The following MINDY3 variants were observed in gnomAD, a reference collection of about 807,000 sequenced individuals.
MINDY3 encodes the protein ubiquitin carboxyl-terminal hydrolase MINDY-3.
A neutral mutation model predicts 69.2 loss-of-function variants in MINDY3; 38 were observed. The ratio of observed to expected loss-of-function variants is 0.55; its 90% CI spans 0.42 to 0.72. The LOEUF is 0.72. MINDY3 is among the 30% of genes least tolerant of loss of function. The probability of loss-of-function intolerance (pLI) is 0.00; values close to 1 mark genes in which losing one functional copy is unlikely to be tolerated. For missense variants in MINDY3, 522 were observed against 519.0 expected (o/e 1.01, Z -0.06); for synonymous variants, 192 against 180.1 (o/e 1.07, Z -0.53).
intron 10 of MINDY3, among the ~76,000 whole-genome samples, chr10:15,796,377 A>C (rs1837829334): frequency 6.6e-6 from 1 of 152,006 alleles, no homozygotes; most frequent in African/African-American, 2.4e-5. Context: ...GCTTAACCAC[A>C]GAAAAGTGTT....
chr10:15,847,732 T>C, intron 2 of MINDY3, 132 bp downstream of exon 2: 3 of 549,748 alleles, frequency 5.5e-6, no homozygotes, highest in Non-Finnish European at 9.8e-6. Context: ...TATTGTAATT[T>C]ACATGAGCAA....
intron 9 of MINDY3, among the ~76,000 whole-genome samples, chr10:15,819,685 G>C (rs1245775795): frequency 6.6e-6 from 1 of 152,160 alleles, no homozygotes; most frequent in Non-Finnish European, 1.5e-5. Flanking sequence ...GCCCTGCCTG[G>C]CTTCCCTCCC....
chr10:15,802,566 T>C (rs1321565991), intron 10 of MINDY3, among the ~76,000 whole-genome samples: 2 of 152,120 alleles, frequency 1.3e-5, no homozygotes, highest in Non-Finnish European at 2.9e-5. Context: ...AGATGAGATC[T>C]GGGTAGGGAC....
chr10:15,810,094 T>C (rs1261722415), intron 10 of MINDY3, among the ~76,000 whole-genome samples: 3 of 152,106 alleles, frequency 2.0e-5, no homozygotes, highest in East Asian at 3.9e-4. Flanking sequence ...TGGATGATTA[T>C]AGGTCAGGAA....
chr10:15,830,727 G>A (rs1840398022), intron 8 of MINDY3, among the ~76,000 whole-genome samples: 1 of 152,212 alleles, frequency 6.6e-6, no homozygotes, highest in Non-Finnish European at 1.5e-5. Context: ...AGAATGAGGG[G>A]TAGGAAAAAG....
chr10:15,829,943 C>T (rs1018836053), intron 8 of MINDY3, among the ~76,000 whole-genome samples: 2 of 152,142 alleles, frequency 1.3e-5, no homozygotes, highest in African/African-American at 4.8e-5. Context: ...TCGCCACACC[C>T]GAGGCCTCTG....
intron 8 of MINDY3, among the ~76,000 whole-genome samples, chr10:15,826,499 T>C (rs1840094521): frequency 6.6e-6 from 1 of 152,200 alleles, no homozygotes; most frequent in South Asian, 2.1e-4. Context: ...AAGATATAAT[T>C]TCCTCAAAAT....
chr10:15,805,149 C>T (rs375033416), intron 10 of MINDY3, among the ~76,000 whole-genome samples: 19 of 152,180 alleles, frequency 1.2e-4, no homozygotes, highest in African/African-American at 4.3e-4. Flanking sequence ...TTATCGTAAT[C>T]GACCAACTAA....
intron 11 of MINDY3, among the ~76,000 whole-genome samples, chr10:15,790,887 T>C (rs914874494): frequency 5.9e-5 from 9 of 152,138 alleles, no homozygotes; most frequent in African/African-American, 9.7e-5. Context: ...CAGCATGTAC[T>C]TTGTCATGGC....
chr10:15,795,842 C>G (rs1388996113), intron 11 of MINDY3, among the ~76,000 whole-genome samples: 1 of 151,850 alleles, frequency 6.6e-6, no homozygotes, highest in Admixed American at 6.6e-5. Context: ...GTATTTTTCC[C>G]TGTTTGGGGT....
intron 5 of MINDY3, chr10:15,837,784 T>C (rs2132074282): frequency 1.0e-6 from 1 of 980,940 alleles, no homozygotes; most frequent in African/African-American, 1.7e-5. Context: ...CCACCCATAA[T>C]TCTATCAACA....
At chr10:15,836,738 AGAG>A (rs960735097) in intron 6 of MINDY3, among the ~76,000 whole-genome samples, 2 of 151,808 alleles carry the variant, frequency 1.3e-5, no homozygotes, top group African/African-American at 4.8e-5. Flanking sequence ...ATAAAAATTT[AGAG>A]GAGGAGAGAA....
chr10:15,841,634 CCTCTGG>C, intron 3 of MINDY3, 35 bp from the exon 4 acceptor site: 1 of 1,448,250 alleles, frequency 6.9e-7, no homozygotes. Context: ...ATAATGGTTT[CCTCTGG>C]AAAAAAAAAA....
At chr10:15,854,925 G>A (rs932755773) in intron 1 of MINDY3, among the ~76,000 whole-genome samples, 1 of 152,086 alleles carries the variant, frequency 6.6e-6, no homozygotes, top group Admixed American at 6.6e-5. Context: ...AATCTTCACT[G>A]TTTGGCCAGC....
In MINDY3 at chr10:15,843,042, A is replaced by G. The variant is rs78573102; in HGVS notation, c.235+170T>C. On this transcript the variant is annotated intron_variant, in intron 3 of 14. Transcript: ENST00000277632. ...TCATGTCTTATAACCCCTGGTTAGA[A>G]AGCCAAATTTGGAAATATGGAGTCA... 3.0e-3 allele frequency among the ~76,000 whole-genome samples: 463 copies of G among 152,070 alleles called. 2 individuals are homozygous for G. The East Asian group carries it at 0.043, about 14-fold the overall frequency.
chr10:15,791,117 C>G (rs1375781711), intron 11 of MINDY3, among the ~76,000 whole-genome samples: 1 of 152,080 alleles, frequency 6.6e-6, no homozygotes, highest in East Asian at 1.9e-4. Flanking sequence ...GTCAGTAACT[C>G]TACATTTTGT....
At chr10:15,785,313 G>C (rs1363944591) in intron 13 of MINDY3, among the ~76,000 whole-genome samples, 2 of 152,122 alleles carry the variant, frequency 1.3e-5, no homozygotes, top group Non-Finnish European at 2.9e-5. Context: ...ACAGGCGAAA[G>C]AGAAGGGACT....
At position 15,837,287 on chromosome 10, in the gene MINDY3, T is replaced by C; in HGVS notation, c.493A>G (p.Lys165Glu). Residue 165 changes from lysine (K) to glutamate (E), a missense_variant, in exon 6 of 15, where the codon AAA (lysine) becomes GAA (glutamate). Lys to Glu is a moderately conservative substitution (Grantham distance 56). Coordinates refer to ENST00000277632, the MANE Select transcript of MINDY3 (RefSeq NM_024948.4). ...KRSFRSLPELKDAVLDQYSMW... is the reference protein window; with the variant it reads ...KRSFRSLPELEDAVLDQYSMW... ...GAATACTGGTCCAAGACAGCATCTT[T>C]TAATTCTGGTAAACTTCTGAACGAT... 2 of 1,605,718 alleles carry C rather than the reference T, an allele frequency of 1.2e-6. No homozygotes were observed. Among genetic ancestry groups the C allele is most frequent in the Non-Finnish European group, 1.7e-6 (2 of 1,176,362 alleles).
intron 8 of MINDY3, among the ~76,000 whole-genome samples, chr10:15,830,757 G>A (rs1465666940): frequency 1.3e-5 from 2 of 152,226 alleles, no homozygotes; most frequent in Non-Finnish European, 2.9e-5. Context: ...TTCGCAGGTA[G>A]TGAGGTCTTT....
Sources: gnomAD v4.1 joint callset for allele counts (sites outside exome capture counted in the v4.1 genomes callset) on GRCh38, gnomAD v4.1.1 for gene constraint, MANE v1.5 for transcripts, NCBI Gene and HGNC (gene_info 2026-07-23, HGNC 2026-07-21) for gene names.